The following HYDIN variants were observed in gnomAD, a reference collection of about 807,000 sequenced individuals.
The protein encoded by HYDIN is axonemal central pair apparatus protein HYDIN.
HYDIN carries 132 observed loss-of-function variants against 403.9 expected under a neutral mutation model. That is an observed-to-expected ratio of 0.33 (90% CI 0.28 to 0.38). The LOEUF (loss-of-function observed/expected upper bound fraction) is 0.38. Among genes scored for constraint, HYDIN ranks in the 10% least tolerant of loss-of-function variants. The pLI, the probability that HYDIN is intolerant of heterozygous loss-of-function variation, is 1.00. For synonymous variants in HYDIN, 1,202 were observed against 1,891.7 expected (o/e 0.64, Z 9.46); for missense variants, 2,827 against 5,009.5 (o/e 0.56, Z 13.15).
chr16:71,210,680 C>A (rs1281541776), intron 1 of HYDIN, among the ~76,000 whole-genome samples: 2 of 152,034 alleles, frequency 1.3e-5, no homozygotes, highest in African/African-American at 4.8e-5. Flanking sequence ...TTTAAAAAAA[C>A]AAATTGTCTA....
intron 50 of HYDIN, among the ~76,000 whole-genome samples, chr16:70,906,490 G>T (rs2076541277): frequency 6.6e-6 from 1 of 151,566 alleles, no homozygotes; most frequent in East Asian, 1.9e-4. Flanking sequence ...GCACAAGCCA[G>T]CCTCCCCACA....
chr16:71,195,732 A>G (rs2087666163), intron 1 of HYDIN, among the ~76,000 whole-genome samples: 1 of 152,182 alleles, frequency 6.6e-6, no homozygotes, highest in Non-Finnish European at 1.5e-5. Flanking sequence ...TCTCTGCAGG[A>G]TATGTGCCTT....
chr16:70,903,009 T>G (rs1597274769), intron 52 of HYDIN, among the ~76,000 whole-genome samples: 1 of 138,744 alleles, frequency 7.2e-6, no homozygotes, highest in African/African-American at 2.9e-5. Context: ...CAGGCTAGAG[T>G]GTAGTGGCAT....
In HYDIN at chr16:71,113,591, ATTTTTTTTTTT is replaced by A. The variant is rs139507490; in HGVS notation, c.1327+2094_1327+2104del. ...GGATTTCTTGACTTTCATGATCTTG[ATTTTTTTTTTT>A]TTTTTTTTTGAGACAGGGTCTCACT... On this transcript the variant is annotated intron_variant, in intron 10 of 85. Transcript: ENST00000393567. 2 of 127,586 alleles carry A rather than the reference ATTTTTTTTTTT, an allele frequency of 1.6e-5. 1 individual carries two copies. Among genetic ancestry groups the A allele is most frequent in the African/African-American group, 6.1e-5 (2 of 32,758 alleles). 7.9% of individuals were successfully genotyped at this position (127,586 alleles called of 1,614,324 possible).
intron 11 of HYDIN, among the ~76,000 whole-genome samples, chr16:71,089,224 G>A (rs2083028900): frequency 6.6e-6 from 1 of 152,062 alleles, no homozygotes; most frequent in Non-Finnish European, 1.5e-5. Context: ...CATGTAAAGA[G>A]CTCATGCCTG....
intron 1 of HYDIN, among the ~76,000 whole-genome samples, chr16:71,214,146 A>T (rs1416985388): frequency 1.3e-5 from 2 of 152,118 alleles, no homozygotes; most frequent in African/African-American, 4.8e-5. Flanking sequence ...TAAAAAATCA[A>T]CCTAACAGTT....
intron 45 of HYDIN, among the ~76,000 whole-genome samples, chr16:70,932,006 T>A (rs1242963679): frequency 5.2e-5 from 2 of 38,566 alleles, no homozygotes; most frequent in Non-Finnish European, 1.2e-4. Context: ...GCGAGACTTG[T>A]ATCAAAAAAA....
At chr16:70,920,292 A>C (rs1310442835) in intron 46 of HYDIN, among the ~76,000 whole-genome samples, 2 of 120,042 alleles carry the variant, frequency 1.7e-5, no homozygotes, top group Non-Finnish European at 3.4e-5. Flanking sequence ...TTCACCCCAA[A>C]GCCTCACCTG....
chr16:70,866,807 T>C (rs1358386191), intron 66 of HYDIN, among the ~76,000 whole-genome samples: 1 of 152,026 alleles, frequency 6.6e-6, no homozygotes, highest in East Asian at 1.9e-4. Context: ...GGTGGATCAC[T>C]TGAGGCTAGG....
chr16:71,212,399 G>A (rs2088640002), intron 1 of HYDIN, among the ~76,000 whole-genome samples: 1 of 152,116 alleles, frequency 6.6e-6, no homozygotes, highest in Non-Finnish European at 1.5e-5. Flanking sequence ...AACAAGGAAT[G>A]ACTCTAATTA....
chr16:71,220,008 C>T (rs916588065), intron 1 of HYDIN, among the ~76,000 whole-genome samples: 1 of 152,156 alleles, frequency 6.6e-6, no homozygotes, highest in Non-Finnish European at 1.5e-5. Context: ...TCATCCCAAA[C>T]CAGTGCTCTT....
Position 70,807,846 on chromosome 16 carries a change from C to A in HYDIN, c.15100G>T (p.Ala5034Ser). The A allele has an allele frequency of 6.2e-7, 1 of 1,614,170 alleles. No homozygotes were observed. Among genetic ancestry groups the A allele is most frequent in the Non-Finnish European group, 8.5e-7 (1 of 1,180,038 alleles). The change falls in exon 86 of 86, where the codon GCC becomes TCC. Residue 5034 changes from alanine (A) to serine (S), a missense_variant. Ala to Ser is a moderately conservative substitution (Grantham distance 99). Coordinates refer to ENST00000393567, the MANE Select transcript of HYDIN (RefSeq NM_001270974.2). ...AAGGGGATGATTATGCTGTACCCGG[C>A]TCGGATCGAGAAGGGACCTTGGGGC... The part of the protein sequence containing the change: ...PKPQGPFSIR[A>S]GYSIIIPFKN...
At chr16:70,870,524 G>T (rs905144639) in intron 65 of HYDIN, among the ~76,000 whole-genome samples, 2 of 149,802 alleles carry the variant, frequency 1.3e-5, no homozygotes, top group Admixed American at 6.6e-5. Context: ...GGACATGGCT[G>T]CAGAGGGTGC....
At position 70,985,507 on chromosome 16, in the gene HYDIN, T is replaced by TC. The variant is rs373500438; in HGVS notation, c.4195-186dup. ...AGACTCTGGAAACCTGGCTCTTAGT[T>TC]CTTCTAAGAACCGATTCAGTTTAGG... On this transcript the variant is annotated intron_variant, in intron 27 of 85. Transcript: ENST00000393567. Among the ~76,000 whole-genome samples, 622 of 152,302 alleles carry TC rather than the reference T, an allele frequency of 4.1e-3. 3 individuals carry two copies. Among genetic ancestry groups the TC allele is most frequent in the African/African-American group, 0.014 (601 of 41,562 alleles).
At chr16:71,076,040 C>G (rs925081990) in intron 13 of HYDIN, 1 of 311,632 alleles carries the variant, frequency 3.2e-6, no homozygotes, top group African/African-American at 2.2e-5. Context: ...CTTCCTCCCA[C>G]TCATGGTTCT....
intron 78 of HYDIN, 61 bp from the exon 79 acceptor site, chr16:70,834,225 C>T (rs1156842288): frequency 4.4e-6 from 5 of 1,145,924 alleles, no homozygotes; most frequent in African/African-American, 1.6e-5. Context: ...GGCCTCGGTT[C>T]CCGGAGTTCT....
intron 2 of HYDIN, 103 bp from the exon 3 acceptor site, chr16:71,185,093 G>A (rs765921333): frequency 6.6e-5 from 45 of 686,138 alleles, no homozygotes; most frequent in Non-Finnish European, 8.9e-5. Context: ...CAGCTTTCAG[G>A]ATAATTCTGG....
rs1352882077 is a variant in HYDIN, at chr16:70,804,379, T to G, written c.*3201A>C. Among the ~76,000 whole-genome samples, 1 of 152,142 alleles carries G rather than the reference T, an allele frequency of 6.6e-6. No homozygotes were observed. Among genetic ancestry groups the G allele is most frequent in the Non-Finnish European group, 1.5e-5 (1 of 68,030 alleles). ...AAAGTGATGATCAAAGGTCACTGAG[T>G]GATGAGATGGGAGGAGACCCTCAAA... is the stretch of plus-strand genomic sequence containing the variant. On this transcript the variant is annotated 3_prime_UTR_variant, in exon 86 of 86. Coordinates refer to ENST00000393567, the MANE Select transcript of HYDIN (RefSeq NM_001270974.2).
intron 10 of HYDIN, among the ~76,000 whole-genome samples, chr16:71,107,623 T>G (rs2083665986): frequency 6.6e-6 from 1 of 152,060 alleles, no homozygotes; most frequent in African/African-American, 2.4e-5. Flanking sequence ...CACAATGAGA[T>G]ATCATCTCAT....
Sources: allele counts gnomAD v4.1 joint callset (sites outside exome capture counted in the v4.1 genomes callset), GRCh38; gene constraint gnomAD v4.1.1; transcripts MANE v1.5; gene names NCBI Gene and HGNC (gene_info 2026-07-23, HGNC 2026-07-21).